The following ACOXL variants were observed in gnomAD, a reference collection of about 807,000 sequenced individuals.
ACOXL encodes acyl-CoA oxidase like.
Under a neutral mutation model 71.9 loss-of-function variants are expected in ACOXL, and 70 were observed. The observed-to-expected ratio is 0.97, with a 90% CI of 0.80 to 1.19. The LOEUF (loss-of-function observed/expected upper bound fraction) is 1.19, where lower values mean the gene tolerates loss of function less well. ACOXL is among the 50% of genes most tolerant of loss of function. The probability of loss-of-function intolerance (pLI) is 0.00; values close to 1 mark genes in which losing one functional copy is unlikely to be tolerated. For synonymous variants in ACOXL, 253 were observed against 281.6 expected (o/e 0.90, Z 1.02); for missense variants, 703 against 736.3 (o/e 0.95, Z 0.52).
At chr2:111,064,446 C>CAAAA (rs1007815116) in intron 16 of ACOXL, among the ~76,000 whole-genome samples, 1 of 138,250 alleles carries the variant, frequency 7.2e-6, no homozygotes. Flanking sequence ...AAAAAAAAAA[C>CAAAA]AAAAAAAAAA....
At chr2:110,896,424 A>C (rs1395272462) in intron 10 of ACOXL, among the ~76,000 whole-genome samples, 1 of 152,184 alleles carries the variant, frequency 6.6e-6, no homozygotes, top group Non-Finnish European at 1.5e-5. Context: ...TCAGTTAAAA[A>C]ATAGAGCTTG....
intron 16 of ACOXL, among the ~76,000 whole-genome samples, chr2:111,054,312 C>T (rs1163497093): frequency 6.6e-6 from 1 of 152,202 alleles, no homozygotes; most frequent in South Asian, 2.1e-4. Flanking sequence ...CAACCATGCT[C>T]CCTCTTGTTC....
chr2:110,821,386 T>C (rs1688582284), intron 9 of ACOXL, among the ~76,000 whole-genome samples: 1 of 152,194 alleles, frequency 6.6e-6, no homozygotes, highest in African/African-American at 2.4e-5. Context: ...CAGGCTGGTC[T>C]GAGCTCCAAA....
At chr2:111,052,515 A>G (rs944341228) in intron 16 of ACOXL, among the ~76,000 whole-genome samples, 1 of 152,128 alleles carries the variant, frequency 6.6e-6, no homozygotes, top group African/African-American at 2.4e-5. Context: ...GACCCTGCAG[A>G]CCCGAGAAGG....
intron 12 of ACOXL, among the ~76,000 whole-genome samples, chr2:110,981,465 G>A (rs1252686673): frequency 6.6e-6 from 1 of 152,216 alleles, no homozygotes; most frequent in African/African-American, 2.4e-5. Flanking sequence ...GGACCATGGG[G>A]TGAGCGATTC....
intron 14 of ACOXL, among the ~76,000 whole-genome samples, chr2:111,026,109 C>G (rs1284300965): frequency 6.6e-6 from 1 of 152,160 alleles, no homozygotes; most frequent in Non-Finnish European, 1.5e-5. Flanking sequence ...CTACTGTGTT[C>G]TATTCACTCA....
chr2:111,049,436 G>A (rs1418144356), intron 16 of ACOXL, 148 bp downstream of exon 16: 1 of 666,130 alleles, frequency 1.5e-6, no homozygotes, highest in Non-Finnish European at 2.6e-6. Flanking sequence ...GCGAATTGGA[G>A]GGTTGCTGGT....
At chr2:110,929,644 C>T (rs919912378) in intron 11 of ACOXL, among the ~76,000 whole-genome samples, 1 of 152,210 alleles carries the variant, frequency 6.6e-6, no homozygotes, top group Admixed American at 6.5e-5. Flanking sequence ...TTTGCAGCAG[C>T]CCCTCCCATC....
chr2:110,843,129 A>G (rs1691377760), intron 10 of ACOXL, among the ~76,000 whole-genome samples: 3 of 152,162 alleles, frequency 2.0e-5, no homozygotes, highest in Non-Finnish European at 4.4e-5. Flanking sequence ...TTTTTCTAGA[A>G]TGTTCTCAAG....
intron 9 of ACOXL, among the ~76,000 whole-genome samples, chr2:110,834,466 A>G (rs1322015370): frequency 5.9e-5 from 9 of 152,248 alleles, no homozygotes; most frequent in African/African-American, 2.2e-4. Flanking sequence ...TTCATTGACA[A>G]GCTGTAAACA....
At chr2:110,915,258 C>CT (rs1188503298) in intron 11 of ACOXL, among the ~76,000 whole-genome samples, 1 of 149,714 alleles carries the variant, frequency 6.7e-6, no homozygotes, top group Non-Finnish European at 1.5e-5. Context: ...CTCCTTCATT[C>CT]TATTAAGAAA....
chr2:110,805,380 T>C lies in ACOXL; in HGVS notation c.738T>C (p.Ala246=). The change falls in exon 9 of 18, where the codon GCT becomes GCC. Residue 246 remains alanine, a synonymous_variant. Transcript: ENST00000439055. ...TPSRLAVAFQ[A]MGAMKLGLTI... ...CGAGATTAGCTGTGGCTTTCCAAGCTATGGGTGCCATGAAGGTAATTGACT... is the reference window on the plus strand; with the variant it reads ...CGAGATTAGCTGTGGCTTTCCAAGCCATGGGTGCCATGAAGGTAATTGACT... The C allele has an allele frequency of 6.2e-7, 1 of 1,614,250 alleles. No individual in the cohort carries two copies. The highest frequency in any genetic ancestry group is 8.5e-7 in the Non-Finnish European group (1 of 1,180,042).
chr2:110,757,537 G>A (rs772298684), intron 1 of ACOXL, among the ~76,000 whole-genome samples: 15 of 152,100 alleles, frequency 9.9e-5, no homozygotes, highest in Non-Finnish European at 1.5e-4. Flanking sequence ...AGTGTTCCTC[G>A]TTCTCCGCAA....
chr2:110,832,368 C>G (rs1192663170), intron 9 of ACOXL, among the ~76,000 whole-genome samples: 1 of 151,856 alleles, frequency 6.6e-6, no homozygotes, highest in African/African-American at 2.4e-5. Flanking sequence ...GAAACCCCGT[C>G]TCTACTAAAA....
intron 2 of ACOXL, among the ~76,000 whole-genome samples, chr2:110,779,673 A>T (rs1485797246): frequency 6.6e-6 from 1 of 152,254 alleles, no homozygotes; most frequent in African/African-American, 2.4e-5. Context: ...TCACACATAT[A>T]TGACCAATTG....
intron 1 of ACOXL, among the ~76,000 whole-genome samples, chr2:110,766,231 C>T (rs543045401): frequency 6.6e-6 from 1 of 152,234 alleles, no homozygotes; most frequent in South Asian, 2.1e-4. Flanking sequence ...TGTGTTCTGA[C>T]AGTTCTTGGT....
At chr2:111,035,773 C>T (rs1300449656) in intron 15 of ACOXL, among the ~76,000 whole-genome samples, 1 of 152,198 alleles carries the variant, frequency 6.6e-6, no homozygotes, top group Admixed American at 6.5e-5. Context: ...AAAACATGAT[C>T]GCATGCATTA....
At chr2:111,004,266 G>C (rs920643529) in intron 14 of ACOXL, among the ~76,000 whole-genome samples, 1 of 151,938 alleles carries the variant, frequency 6.6e-6, no homozygotes, top group Non-Finnish European at 1.5e-5. Context: ...TTCTAGTAAT[G>C]GTCTTTAATT....
intron 1 of ACOXL, among the ~76,000 whole-genome samples, chr2:110,761,126 A>G (rs1680350404): frequency 6.6e-6 from 1 of 152,250 alleles, no homozygotes; most frequent in Non-Finnish European, 1.5e-5. Context: ...CCAGAACAAT[A>G]TTCAACAACA....
Sources: gnomAD v4.1 joint callset for allele counts (sites outside exome capture counted in the v4.1 genomes callset) on GRCh38, gnomAD v4.1.1 for gene constraint, MANE v1.5 for transcripts, NCBI Gene and HGNC (gene_info 2026-07-23, HGNC 2026-07-21) for gene names.